Variants in ADAMTS8 observed in about 807,000 individuals in gnomAD.
ADAMTS8 encodes the protein ADAM metallopeptidase with thrombospondin type 1 motif 8, also known as A disintegrin and metalloproteinase with thrombospondin motifs 8.
In ADAMTS8, 50 loss-of-function variants were observed where a neutral mutation model predicts 64.4. The ratio of observed to expected loss-of-function variants is 0.78; its 90% CI spans 0.62 to 0.98. The LOEUF (loss-of-function observed/expected upper bound fraction) is 0.98, where lower values mean the gene tolerates loss of function less well. ADAMTS8 is among the 50% of genes least tolerant of loss of function. ADAMTS8 has a pLI of 0.00. For missense variants in ADAMTS8, 1,192 were observed against 1,208.2 expected, an observed-to-expected ratio of 0.99 and a Z score of 0.20; for synonymous variants, 556 against 533.6, an observed-to-expected ratio of 1.04 and a Z score of -0.58.
intron 1 of ADAMTS8, 26 bp from the exon 2 acceptor site, chr11:130,419,318 C>CG (rs752306720): frequency 3.1e-6 from 5 of 1,613,258 alleles, no homozygotes; most frequent in Non-Finnish European, 3.4e-6. Context: ...AGACAAGAGG[C>CG]GGAGTGAAGG....
Position 130,414,543 on chromosome 11 carries a change from C to T in ADAMTS8, c.1554G>A (p.Val518=). Residue 518 remains valine, a synonymous_variant, in exon 5 of 9, where the codon GTG becomes GTA. Transcript: ENST00000257359. The stretch of plus-strand genomic sequence containing the variant: ...GGCTGTCCCTCACCTTGGGCCTCTC[C>T]ACTTCCTCCTCAGGTAGACAGCTGC... ...SEGSCLPEEE[V]ERPKPVADGG... is the part of the protein sequence containing the mutation. 1 of 1,600,468 alleles carries T rather than the reference C, an allele frequency of 6.2e-7. No homozygotes were observed. Among genetic ancestry groups the T allele is most frequent in the Non-Finnish European group, 8.5e-7 (1 of 1,171,116 alleles).
At chr11:130,425,983 T>A (rs553548342) in intron 1 of ADAMTS8, among the ~76,000 whole-genome samples, 1 of 152,090 alleles carries the variant, frequency 6.6e-6, no homozygotes, top group African/African-American at 2.4e-5. Flanking sequence ...TTCTCACCCC[T>A]CTCCTGCCAC....
chr11:130,420,387 C>T (rs1862084564), intron 1 of ADAMTS8, among the ~76,000 whole-genome samples: 1 of 152,190 alleles, frequency 6.6e-6, no homozygotes, highest in Admixed American at 6.5e-5. Flanking sequence ...GCCTCAGCGA[C>T]CCCTTGAAGT....
chr11:130,427,918 G>A lies in ADAMTS8; in HGVS notation c.369C>T (p.Ser123=). ...CCTCGCCGTCCAGCAGGAAGGAGCCGCTCAGCCCGCGGCACAGGCTGACCG... is the reference window on the plus strand; with the variant it reads ...CCTCGCCGTCCAGCAGGAAGGAGCCACTCAGCCCGCGGCACAGGCTGACCG... ...LAAVSLCRGL[S]GSFLLDGEEF... is the part of the protein sequence containing the mutation. Residue 123 remains serine (S), a synonymous_variant, in exon 1 of 9, where the codon AGC becomes AGT. Transcript: ENST00000257359. The A allele has an allele frequency of 2.0e-6, 3 of 1,533,702 alleles. No homozygotes were observed. The highest frequency in any genetic ancestry group is 1.7e-6 in the Non-Finnish European group (2 of 1,146,224).
At position 130,416,519 on chromosome 11, in the gene ADAMTS8, T is replaced by G. The variant is rs1438109052; in HGVS notation, c.1097-189A>C. ...TTCTCAGATGACTAAGAAACACGGA[T>G]ACCCCTTTATTTTCTGCCTCAGCCC... is the stretch of plus-strand genomic sequence containing the variant. On this transcript the variant is annotated intron_variant, in intron 3 of 8. Coordinates refer to ENST00000257359, the MANE Select transcript of ADAMTS8 (RefSeq NM_007037.6). This position sits in a 1 kb window ranked among gnomAD's most constrained non-coding sequence, Gnocchi z 4.8. Among the ~76,000 whole-genome samples, 5 of 152,212 alleles carry G rather than the reference T, an allele frequency of 3.3e-5. No homozygotes were observed. The highest frequency in any genetic ancestry group is 7.4e-5 in the Non-Finnish European group (5 of 68,026).
At chr11:130,406,166 C>A in intron 8 of ADAMTS8, 38 bp from the exon 9 acceptor site, 1 of 1,571,794 alleles carries the variant, frequency 6.4e-7, no homozygotes. Context: ...AGACCAGTGG[C>A]TGCCCAGCCC....
intron 6 of ADAMTS8, among the ~76,000 whole-genome samples, chr11:130,409,871 T>C (rs1861931599): frequency 6.6e-6 from 1 of 152,224 alleles, no homozygotes; most frequent in African/African-American, 2.4e-5. Context: ...GCAGATGCCA[T>C]ACTCCACGCC....
intron 1 of ADAMTS8, among the ~76,000 whole-genome samples, chr11:130,427,254 C>T (rs1242894135): frequency 6.6e-6 from 1 of 152,158 alleles, no homozygotes; most frequent in Non-Finnish European, 1.5e-5. Flanking sequence ...TACCCACTTT[C>T]GGGTCAGTGC....
chr11:130,405,236 G>T lies in ADAMTS8; in HGVS notation c.*322C>A. 1 of 1,115,652 alleles carries T rather than the reference G, an allele frequency of 9.0e-7. No homozygotes were observed. The highest frequency in any genetic ancestry group is 5.0e-5 in the East Asian group (1 of 20,102). 69.1% of individuals were successfully genotyped at this position (1,115,652 alleles called of 1,614,324 possible). On this transcript the variant is annotated 3_prime_UTR_variant, in exon 9 of 9. Transcript: ENST00000257359. ...AGAATTTTTTTTTTCATTTAAGTTT[G>T]CTAGTCCTTTGCAAACAGACTGACG...
At chr11:130,417,546 C>T (rs867755634) in intron 2 of ADAMTS8, among the ~76,000 whole-genome samples, 9 of 141,958 alleles carry the variant, frequency 6.3e-5, no homozygotes, top group African/African-American at 1.9e-4. Context: ...CGTGAGCCAC[C>T]GTGCCCGGCC....
intron 2 of ADAMTS8, among the ~76,000 whole-genome samples, chr11:130,417,319 C>T (rs916074171): frequency 2.0e-5 from 3 of 151,704 alleles, no homozygotes; most frequent in African/African-American, 7.3e-5. Context: ...TGCAGTGGCA[C>T]GATCTCAGCT....
chr11:130,419,101 G>A lies in ADAMTS8; in HGVS notation c.912C>T (p.Ser304=), dbSNP rs371737584. ...TGTCGTAGTGCTCTGGGTGGCGGTCGCTGGGCTGGTTGAAACGCCGCTGCC... is the reference window on the plus strand; with the variant it reads ...TGTCGTAGTGCTCTGGGTGGCGGTCACTGGGCTGGTTGAAACGCCGCTGCC... ...CNWQRRFNQP[S]DRHPEHYDTA... Residue 304 remains serine (S), a synonymous_variant, in exon 2 of 9, where the codon AGC becomes AGT. Transcript: ENST00000257359. 3.7e-5 allele frequency: 59 copies of A among 1,614,188 alleles called. No individual in the cohort carries two copies. The African/African-American group carries it at 5.9e-4, about 16-fold the overall frequency.
chr11:130,405,842 C>T lies in ADAMTS8; in HGVS notation c.2386G>A (p.Glu796Lys), dbSNP rs1470097692. 4.3e-6 allele frequency: 7 copies of T among 1,613,880 alleles called. No individual in the cohort carries two copies. The highest frequency in any genetic ancestry group is 3.3e-4 in the Middle Eastern group (2 of 6,084). ...TATTTGACTTTTGGGGGGAAGACCT[C>T]GCCAGGGACTGTCAGGAGCTGCACT... ...LTVQLLTVPGEVFPPKVKYTF... is the reference protein window; with the variant it reads ...LTVQLLTVPGKVFPPKVKYTF... The change falls in exon 9 of 9, where the codon GAG becomes AAG. Residue 796 changes from glutamate to lysine, a missense_variant. Coordinates refer to ENST00000257359, the MANE Select transcript of ADAMTS8 (RefSeq NM_007037.6).
chr11:130,405,005 G>T lies in ADAMTS8; in HGVS notation c.*553C>A. 2.0e-6 allele frequency: 2 copies of T among 986,498 alleles called. No homozygotes were observed. Among genetic ancestry groups the T allele is most frequent in the Non-Finnish European group, 2.4e-6 (2 of 830,492 alleles). The allele number at this position is 986,498 out of a possible 1,614,324, so 61.1% of individuals were successfully genotyped here. A position where few individuals can be genotyped will look rare whatever the true frequency, so the allele number is the denominator to read the frequency against. ...TCCACCCCTGCAGGTGGCAGCCTGAGAACATGTGGCTCTCCAAACCCTGCG... is the reference window on the plus strand; with the variant it reads ...TCCACCCCTGCAGGTGGCAGCCTGATAACATGTGGCTCTCCAAACCCTGCG... On this transcript the variant is annotated 3_prime_UTR_variant, in exon 9 of 9. Coordinates refer to ENST00000257359, the MANE Select transcript of ADAMTS8 (RefSeq NM_007037.6).
chr11:130,406,774 T>C (rs1414277338), intron 8 of ADAMTS8, among the ~76,000 whole-genome samples: 1 of 152,214 alleles, frequency 6.6e-6, no homozygotes, highest in African/African-American at 2.4e-5. Flanking sequence ...AGGAAGCAGT[T>C]TTGGGAAACT....
chr11:130,421,954 A>G (rs1262210431), intron 1 of ADAMTS8, among the ~76,000 whole-genome samples: 1 of 152,238 alleles, frequency 6.6e-6, no homozygotes, highest in Non-Finnish European at 1.5e-5. Flanking sequence ...CCTGAGGAGC[A>G]GAGGCATCAG....
intron 8 of ADAMTS8, among the ~76,000 whole-genome samples, chr11:130,407,117 C>A (rs1411807861): frequency 6.6e-6 from 1 of 152,192 alleles, no homozygotes; most frequent in African/African-American, 2.4e-5. Context: ...CCCACAATCC[C>A]AGCACTTTGG....
intron 8 of ADAMTS8, among the ~76,000 whole-genome samples, chr11:130,406,622 G>T (rs1861888383): frequency 6.7e-6 from 1 of 149,022 alleles, no homozygotes; most frequent in East Asian, 2.0e-4. Context: ...ACCTCTCTGA[G>T]TCAGTCGGCT....
rs566848917 is a variant in ADAMTS8, at chr11:130,414,761, A to G, written c.1336T>C (p.Tyr446His). The change falls in exon 5 of 9, where the codon TAC becomes CAC. Residue 446 changes from tyrosine to histidine, a missense_variant. Tyr to His is a moderately conservative substitution (Grantham distance 83). Around this residue, in one of 5 missense-constraint regions of ADAMTS8, gnomAD observed 741 missense variants for 710.6 expected, o/e 1.04. Transcript: ENST00000257359. Reference sequence around the variant, plus strand: ...TGCCTGCACTGCTGGTCCAGCTGGTACAGGGCCATGCGGCCCGGGAGGCCT... The same window carrying G: ...TGCCTGCACTGCTGGTCCAGCTGGTGCAGGGCCATGCGGCCCGGGAGGCCT... ...PTGLPGRMAL[Y>H]QLDQQCRQIF... The G allele has an allele frequency of 1.9e-5, 31 of 1,613,484 alleles. No homozygotes were observed. In the East Asian group the frequency reaches 6.9e-4, roughly 36 times the overall value.
Sources: gnomAD v4.1 joint callset for allele counts (sites outside exome capture counted in the v4.1 genomes callset) on GRCh38, gnomAD v4.1.1 for gene constraint, gnomAD v4.1.1 regional missense constraint, Gnocchi (gnomAD v3.1) non-coding constraint, MANE v1.5 for transcripts, NCBI Gene and HGNC (gene_info 2026-07-23, HGNC 2026-07-21) for gene names.